Variants in PHF8 observed in about 807,000 individuals in gnomAD.
PHF8 encodes PHD finger protein 8, also known as histone lysine demethylase PHF8.
In PHF8, 9 loss-of-function variants were observed where a neutral mutation model predicts 74.4. The observed-to-expected ratio is 0.12, with a 90% CI of 0.07 to 0.21. The LOEUF is 0.21. Among genes scored for constraint, PHF8 ranks in the 10% least tolerant of loss-of-function variants. The pLI is 1.00. For missense variants in PHF8, 478 were observed against 816.6 expected (o/e 0.59, Z 5.05); for synonymous variants, 311 against 316.6 (o/e 0.98, Z 0.19).
chrX:54,022,106 T>C (rs1372661436), intron 4 of PHF8, among the ~76,000 whole-genome samples, 153 bp downstream of exon 4: 9 of 111,249 alleles, frequency 8.1e-5, no homozygotes, highest in Non-Finnish European at 1.5e-4. Context: ...TTTCCAGGAA[T>C]TGACCAAACC....
intron 19 of PHF8, among the ~76,000 whole-genome samples, chrX:53,948,257 T>C (rs896495489): frequency 1.8e-5 from 2 of 111,940 alleles, no homozygotes; most frequent in Non-Finnish European, 3.8e-5. Flanking sequence ...TAAAAAAAAG[T>C]AGTGTGGTTA....
At chrX:53,970,622 A>G (rs950522248) in intron 18 of PHF8, among the ~76,000 whole-genome samples, 2 of 111,809 alleles carry the variant, frequency 1.8e-5, no homozygotes, top group African/African-American at 6.5e-5. Context: ...GCAGACACAC[A>G]TAAGCTCAAA....
intron 8 of PHF8, among the ~76,000 whole-genome samples, chrX:54,005,435 C>CAAAA (rs782366736): frequency 1.6e-5 from 1 of 63,602 alleles, no homozygotes; most frequent in Non-Finnish European, 3.0e-5. Context: ...CACTCCCTCT[C>CAAAA]AAAAAAAAAA....
intron 19 of PHF8, among the ~76,000 whole-genome samples, chrX:53,948,611 G>C: frequency 9.0e-6 from 1 of 111,685 alleles, no homozygotes; most frequent in Non-Finnish European, 1.9e-5. Flanking sequence ...AAAAACTATA[G>C]ATAGCCAGAT....
rs1297746303 is a variant in PHF8, at chrX:53,938,320, C to T, written c.*838G>A. 1 of 994,780 alleles carries T rather than the reference C, an allele frequency of 1.0e-6. No individual in the cohort carries two copies. 82.0% of individuals were successfully genotyped at this position (994,780 alleles called of 1,213,427 possible). A position where few individuals can be genotyped will look rare whatever the true frequency, so the allele number is the denominator to read the frequency against. ...TTTTCCACCTGCCAGGGCCCAGCCA[C>T]AGCCACAGCCACAGCCACGTGGATA... is the stretch of plus-strand genomic sequence containing the variant. On this transcript the variant is annotated 3_prime_UTR_variant, in exon 22 of 22. Transcript: ENST00000338154.
intron 18 of PHF8, among the ~76,000 whole-genome samples, chrX:53,976,235 G>A (rs2065373510): frequency 9.1e-6 from 1 of 110,021 alleles, no homozygotes; most frequent in Non-Finnish European, 1.9e-5. Flanking sequence ...AACCTGGGAG[G>A]TGGAGGTTGG....
At chrX:54,003,482 C>T (rs1557104640) in intron 8 of PHF8, among the ~76,000 whole-genome samples, 1 of 111,174 alleles carries the variant, frequency 9.0e-6, no homozygotes, top group African/African-American at 3.3e-5. Flanking sequence ...CATGGCGAAA[C>T]CCCGTCTCTA....
chrX:54,036,571 CAAAAAAAAAAAAAAAAAAA>C (rs1160936317), intron 2 of PHF8, among the ~76,000 whole-genome samples: 1 of 6,191 alleles, frequency 1.6e-4, no homozygotes, highest in Non-Finnish European at 3.5e-4. Context: ...GACACTGTCT[CAAAAAAAAAAAAAAAAAAA>C]AAAAAAAAAA....
At chrX:53,995,922 A>G in intron 11 of PHF8, 140 bp from the exon 12 acceptor site, 1 of 437,070 alleles carries the variant, frequency 2.3e-6, no homozygotes, top group African/African-American at 2.5e-5. Context: ...CCACATGCAA[A>G]AAAAAAAACA....
intron 14 of PHF8, 104 bp downstream of exon 14, chrX:53,992,632 T>A: frequency 3.8e-6 from 2 of 529,537 alleles, no homozygotes; most frequent in Non-Finnish European, 6.8e-6. Context: ...GTACAGTCCC[T>A]CCTACCCATG....
At chrX:54,040,965 CAATA>C (rs1202557770) in intron 2 of PHF8, among the ~76,000 whole-genome samples, 1 of 111,981 alleles carries the variant, frequency 8.9e-6, no homozygotes, top group Non-Finnish European at 1.9e-5. Context: ...GCCGGGCACA[CAATA>C]AATATTCAAT....
In PHF8 at chrX:53,991,036, A is replaced by AC. The variant is rs782091095; in HGVS notation, c.1730+1699dup. Among the ~76,000 whole-genome samples, 490 of 111,368 alleles carry AC rather than the reference A, an allele frequency of 4.4e-3. 2 individuals carry two copies. Among genetic ancestry groups the AC allele is most frequent in the Middle Eastern group, 0.014 (3 of 217 alleles). ...TATTATCTCATTTAATCCTCCAACA[A>AC]CCCTAAGGTAAGTTTTAACTATAGA... On this transcript the variant is annotated intron_variant, in intron 14 of 21. Transcript: ENST00000338154.
chrX:53,960,757 A>T (rs782447487), intron 19 of PHF8, among the ~76,000 whole-genome samples: 16 of 109,427 alleles, frequency 1.5e-4, no homozygotes, highest in East Asian at 5.8e-4. Context: ...AAAAAAATTT[A>T]AAAAAAAATT....
In PHF8 at chrX:54,015,595, A is replaced by AC. The variant is rs1337423320; in HGVS notation, c.596+999_596+1000insG. 1.1e-3 allele frequency among the ~76,000 whole-genome samples: 122 copies of AC among 107,751 alleles called. 2 individuals are homozygous for AC. Among genetic ancestry groups the AC allele is most frequent in the African/African-American group, 3.8e-3 (113 of 29,646 alleles). The allele number at this position is 107,751 out of a possible 115,157, so 93.6% of individuals were successfully genotyped here. A position where few individuals can be genotyped will look rare whatever the true frequency, so the allele number is the denominator to read the frequency against. ...CGTCTCAAAAAAAAAAAAAAAAAAA[A>AC]AACACAACAGCAAGGGTCTTAATAT... On this transcript the variant is annotated intron_variant, in intron 6 of 21. Coordinates refer to ENST00000338154, the MANE Select transcript of PHF8 (RefSeq NM_015107.3).
chrX:54,009,856 A>G (rs1557106323), intron 8 of PHF8, among the ~76,000 whole-genome samples: 5 of 79,287 alleles, frequency 6.3e-5, no homozygotes, highest in African/African-American at 3.2e-4. Context: ...AAAAAAAAAA[A>G]AAAAAAAAAA....
At chrX:54,016,872 T>C in intron 5 of PHF8, 136 bp from the exon 6 acceptor site, 1 of 520,992 alleles carries the variant, frequency 1.9e-6, no homozygotes, top group Non-Finnish European at 3.3e-6. Flanking sequence ...TGTGTGTGTT[T>C]GTTTGGGGGG....
chrX:54,045,762 A>G (rs1557117358), upstream of PHF8, among the ~76,000 whole-genome samples: 1 of 112,476 alleles, frequency 8.9e-6, no homozygotes, highest in East Asian at 2.8e-4. Flanking sequence ...GAAGTTGAAT[A>G]TTGTTGGAAC....
intron 14 of PHF8, among the ~76,000 whole-genome samples, chrX:53,989,847 T>C (rs2065631720): frequency 8.9e-6 from 1 of 112,132 alleles, no homozygotes; most frequent in South Asian, 3.7e-4. Flanking sequence ...AACTGCTCCA[T>C]GTAGGTAATA....
chrX:53,983,367 T>G (rs1231254113), intron 18 of PHF8, among the ~76,000 whole-genome samples: 2 of 109,113 alleles, frequency 1.8e-5, no homozygotes, highest in African/African-American at 6.7e-5. Flanking sequence ...AAACAAAACA[T>G]CCCAACAGAA....
Sources: gnomAD v4.1 joint callset for allele counts (sites outside exome capture counted in the v4.1 genomes callset) on GRCh38, gnomAD v4.1.1 for gene constraint, MANE v1.5 for transcripts, NCBI Gene and HGNC (gene_info 2026-07-23, HGNC 2026-07-21) for gene names.